The following NEGR1 variants were observed in gnomAD, a reference collection of about 807,000 sequenced individuals.
NEGR1 encodes the protein IgLON family member 4.
A neutral mutation model predicts 40.9 loss-of-function variants in NEGR1; 10 were observed. The ratio of observed to expected loss-of-function variants is 0.24; its 90% CI spans 0.15 to 0.42. The LOEUF is 0.42. Among genes scored for constraint, NEGR1 ranks in the 10% least tolerant of loss-of-function variants. The probability of loss-of-function intolerance (pLI) is 1.00; values close to 1 mark genes in which losing one functional copy is unlikely to be tolerated. For missense variants in NEGR1, 352 were observed against 438.9 expected, an observed-to-expected ratio of 0.80 and a Z score of 1.77; for synonymous variants, 185 against 166.8, an observed-to-expected ratio of 1.11 and a Z score of -0.84.
At chr1:71,742,793 G>A (rs570200140) in intron 3 of NEGR1, among the ~76,000 whole-genome samples, 14 of 152,260 alleles carry the variant, frequency 9.2e-5, no homozygotes, top group African/African-American at 3.1e-4. Context: ...TCAAGACTTG[G>A]TTATTGGGAT....
At chr1:71,795,944 T>G (rs1003917641) in intron 2 of NEGR1, among the ~76,000 whole-genome samples, 132 of 152,248 alleles carry the variant, frequency 8.7e-4, no homozygotes, top group African/African-American at 3.1e-3. Flanking sequence ...TTGGGGATCA[T>G]TTCAAAGGCC....
chr1:71,807,701 A>C (rs1203889992), intron 2 of NEGR1, among the ~76,000 whole-genome samples: 1 of 152,198 alleles, frequency 6.6e-6, no homozygotes, highest in African/African-American at 2.4e-5. Context: ...ATTTCAACCT[A>C]AAATTTGGAG....
At chr1:71,950,616 C>T (rs1238083269) in intron 1 of NEGR1, among the ~76,000 whole-genome samples, 3 of 151,922 alleles carry the variant, frequency 2.0e-5, no homozygotes, top group Non-Finnish European at 4.4e-5. Context: ...CTACTATATC[C>T]ACTTTTCTTA....
intron 4 of NEGR1, among the ~76,000 whole-genome samples, chr1:71,625,838 G>C (rs973876059): frequency 6.6e-6 from 1 of 151,840 alleles, no homozygotes; most frequent in Non-Finnish European, 1.5e-5. Flanking sequence ...ATGTTTCACT[G>C]TGTAATAATA....
chr1:71,658,911 T>G (rs1245462593), intron 4 of NEGR1, among the ~76,000 whole-genome samples: 1 of 151,864 alleles, frequency 6.6e-6, no homozygotes, highest in Non-Finnish European at 1.5e-5. Context: ...AAGTAAGGAG[T>G]TTCAGTTGAA....
At chr1:71,501,181 C>A (rs150567146) in intron 6 of NEGR1, among the ~76,000 whole-genome samples, 19 of 152,146 alleles carry the variant, frequency 1.2e-4, no homozygotes, top group Non-Finnish European at 2.1e-4. Flanking sequence ...ATATACATTT[C>A]TGTTAGAGAT....
At chr1:71,484,382 A>C (rs1439346809) in intron 6 of NEGR1, among the ~76,000 whole-genome samples, 1 of 151,570 alleles carries the variant, frequency 6.6e-6, no homozygotes, top group East Asian at 1.9e-4. Context: ...CTCCATATGC[A>C]TCTATATAAA....
chr1:72,053,469 A>G (rs1647081522), intron 1 of NEGR1, among the ~76,000 whole-genome samples: 1 of 151,162 alleles, frequency 6.6e-6, no homozygotes, highest in Non-Finnish European at 1.5e-5. Flanking sequence ...AATCATAATT[A>G]TACTCTTGCC....
At chr1:72,185,656 C>G (rs1652585815) in intron 1 of NEGR1, among the ~76,000 whole-genome samples, 1 of 151,872 alleles carries the variant, frequency 6.6e-6, no homozygotes, top group East Asian at 1.9e-4. Flanking sequence ...GGGGGAGCGA[C>G]TAGATGAAAA....
intron 6 of NEGR1, 101 bp from the exon 7 acceptor site, chr1:71,407,671 C>T (rs1646287180): frequency 9.2e-7 from 1 of 1,092,610 alleles, no homozygotes; most frequent in African/African-American, 1.6e-5. Flanking sequence ...AAAGCACTGA[C>T]ATTGGAGTCA....
chr1:72,157,123 T>A (rs995233497), intron 1 of NEGR1, among the ~76,000 whole-genome samples: 1 of 152,052 alleles, frequency 6.6e-6, no homozygotes, highest in Non-Finnish European at 1.5e-5. Context: ...CCACCTTGTC[T>A]GGCTATGTTT....
At chr1:71,441,364 G>A (rs1298912442) in intron 6 of NEGR1, among the ~76,000 whole-genome samples, 2 of 152,094 alleles carry the variant, frequency 1.3e-5, no homozygotes, top group Non-Finnish European at 2.9e-5. Context: ...CCTCCCACTG[G>A]GGGCAGTATG....
intron 1 of NEGR1, among the ~76,000 whole-genome samples, chr1:72,238,569 C>G (rs1159036361): frequency 1.3e-5 from 2 of 151,790 alleles, no homozygotes; most frequent in South Asian, 2.1e-4. Flanking sequence ...GAATGCAGTA[C>G]TTGACTCAGA....
intron 1 of NEGR1, among the ~76,000 whole-genome samples, chr1:72,012,259 G>A (rs1326308566): frequency 2.0e-5 from 3 of 151,914 alleles, no homozygotes; most frequent in South Asian, 2.1e-4. Flanking sequence ...GTCAAAGCAC[G>A]CCCCAGACCA....
chr1:71,609,573 G>A (rs369639463), intron 5 of NEGR1, among the ~76,000 whole-genome samples: 3 of 132,560 alleles, frequency 2.3e-5, no homozygotes, highest in East Asian at 4.7e-4. Context: ...AGACTGTTAT[G>A]GGGATATTAT....
chr1:72,196,579 A>C (rs756464943), intron 1 of NEGR1, among the ~76,000 whole-genome samples: 16 of 151,950 alleles, frequency 1.1e-4, no homozygotes, highest in Non-Finnish European at 1.9e-4. Flanking sequence ...AGACCAGCCT[A>C]GTCAATATGG....
At chr1:71,640,877 C>A (rs896092305) in intron 4 of NEGR1, among the ~76,000 whole-genome samples, 2 of 141,138 alleles carry the variant, frequency 1.4e-5, no homozygotes, top group South Asian at 4.3e-4. Context: ...GTGCCCAGAA[C>A]TAGGAGTTCT....
At chr1:71,609,619 T>C (rs1650187469) in intron 5 of NEGR1, among the ~76,000 whole-genome samples, 1 of 150,200 alleles carries the variant, frequency 6.7e-6, no homozygotes, top group South Asian at 2.1e-4. Flanking sequence ...AAAGGGATAT[T>C]GTCTTCCACA....
intron 2 of NEGR1, among the ~76,000 whole-genome samples, chr1:71,788,144 T>C (rs575935341): frequency 1.4e-4 from 22 of 152,264 alleles, no homozygotes; most frequent in African/African-American, 3.8e-4. Flanking sequence ...TATCTACTTT[T>C]CTCAAAGAGA....
Sources: allele counts gnomAD v4.1 joint callset (sites outside exome capture counted in the v4.1 genomes callset), GRCh38; gene constraint gnomAD v4.1.1; transcripts MANE v1.5; gene names NCBI Gene and HGNC (gene_info 2026-07-23, HGNC 2026-07-21).